Variants in ZNF646 observed in about 807,000 individuals in gnomAD.
The protein encoded by ZNF646 is zinc finger protein 646.
Under a neutral mutation model 115.4 loss-of-function variants are expected in ZNF646, and 49 were observed. That is an observed-to-expected ratio of 0.42 (90% CI 0.34 to 0.54). The LOEUF is 0.54. ZNF646 is among the 20% of genes least tolerant of loss of function. The probability of loss-of-function intolerance (pLI) is 0.04; values close to 1 mark genes in which losing one functional copy is unlikely to be tolerated. For synonymous variants in ZNF646, 933 were observed against 939.0 expected, an observed-to-expected ratio of 0.99 and a Z score of 0.12; for missense variants, 2,269 against 2,457.9, an observed-to-expected ratio of 0.92 and a Z score of 1.62.
At position 31,080,626 on chromosome 16, in the gene ZNF646, A is replaced by G. The variant is rs764873097; in HGVS notation, c.4302A>G (p.Pro1434=). The G allele has an allele frequency of 3.7e-6, 6 of 1,614,196 alleles. No individual in the cohort carries two copies. In the Admixed American group the frequency reaches 8.3e-5, roughly 22 times the overall value. ...EPVPHLEDGV[P]RPGERSQSPI... is the part of the protein sequence containing the mutation. ...TACCCCACTTGGAGGATGGAGTCCC[A>G]AGGCCAGGGGAGCGCAGTCAGAGCC... is the stretch of plus-strand genomic sequence containing the variant. The change falls in exon 2 of 3, where the codon CCA becomes CCG. Residue 1434 remains proline, a synonymous_variant. Transcript: ENST00000300850.
chr16:31,077,672 C>G lies in ZNF646; in HGVS notation c.1348C>G (p.His450Asp), dbSNP rs907908055. The change falls in exon 2 of 3, where the codon CAC becomes GAC. Residue 450 changes from histidine to aspartate, a missense_variant. By Grantham distance (81) the His-to-Asp change is moderately conservative. Coordinates refer to ENST00000300850, the MANE Select transcript of ZNF646 (RefSeq NM_014699.4). Reference sequence around the variant, plus strand: ...TCCCCTGCTGCTGGCTGAGACCACCCACAAAGAGGAAGAGGACCCCACCAC... The same window carrying G: ...TCCCCTGCTGCTGGCTGAGACCACCGACAAAGAGGAAGAGGACCCCACCAC... ...PAPLLLAETT[H>D]KEEEDPTTTL... 3 of 1,613,948 alleles carry G rather than the reference C, an allele frequency of 1.9e-6. No homozygotes were observed. The highest frequency in any genetic ancestry group is 1.3e-5 in the African/African-American group (1 of 74,928).
At position 31,083,663 on chromosome 16, in the gene ZNF646, C is replaced by G; in HGVS notation, c.*571C>G. On this transcript the variant is annotated 3_prime_UTR_variant, in exon 3 of 3. Coordinates refer to ENST00000300850, the MANE Select transcript of ZNF646 (RefSeq NM_014699.4). ...CTGTGGCCCCAGGCAGGTTCCTTCC[C>G]ACAGCTGCTGGGCTTCTGGGCCTGC... is the stretch of plus-strand genomic sequence containing the variant. The G allele has an allele frequency of 1.3e-6, 2 of 1,558,224 alleles. No individual in the cohort carries two copies. Among genetic ancestry groups the G allele is most frequent in the Non-Finnish European group, 1.7e-6 (2 of 1,151,584 alleles).
At chr16:31,073,946 G>A (rs1369875818), upstream of ZNF646, 1 of 152,310 alleles carries the variant, frequency 6.6e-6, no homozygotes, top group Non-Finnish European at 1.5e-5. Flanking sequence ...CCTTGTGTTA[G>A]TCTGGGGCCA....
At position 31,078,732 on chromosome 16, in the gene ZNF646, A is replaced by C. The variant is rs749589689; in HGVS notation, c.2408A>C (p.Asn803Thr). Residue 803 changes from asparagine to threonine, a missense_variant, in exon 2 of 3, where the codon AAC (asparagine) becomes ACC (threonine). Coordinates refer to ENST00000300850, the MANE Select transcript of ZNF646 (RefSeq NM_014699.4). ...EDQKPATGQPNSSSHSANAVT... is the reference protein window; with the variant it reads ...EDQKPATGQPTSSSHSANAVT... ...CAGAAGCCAGCCACTGGCCAACCCA[A>C]CTCCTCTTCCCACTCTGCCAATGCT... is the stretch of plus-strand genomic sequence containing the variant. 6.2e-7 allele frequency: 1 copy of C among 1,613,360 alleles called. No homozygotes were observed. Among genetic ancestry groups the C allele is most frequent in the South Asian group, 1.1e-5 (1 of 91,048 alleles).
At position 31,084,119 on chromosome 16, in the gene ZNF646, T is replaced by A; in HGVS notation, c.*1027T>A. 1.3e-6 allele frequency: 2 copies of A among 1,573,250 alleles called. No homozygotes were observed. Among genetic ancestry groups the A allele is most frequent in the Non-Finnish European group, 1.7e-6 (2 of 1,160,100 alleles). On this transcript the variant is annotated 3_prime_UTR_variant, in exon 3 of 3. Coordinates refer to ENST00000300850, the MANE Select transcript of ZNF646 (RefSeq NM_014699.4). ...GGCAGGAGGCCCCGGGGCCACATAC[T>A]TATGTTGGCCAGGCAGCTTCCAGGC...
Position 31,081,134 on chromosome 16 carries a change from C to T in ZNF646, c.4810C>T (p.Leu1604=). The change falls in exon 2 of 3, where the codon CTG becomes TTG. Residue 1604 remains leucine, a synonymous_variant. Transcript: ENST00000300850. The stretch of plus-strand genomic sequence containing the variant: ...GTCCCACCAGGAACTGGCCAGCCAC[C>T]TGCAGGCTCATGCCCGGGGCCACAG... The part of the protein sequence containing the change: ...FESHQELASH[L]QAHARGHSQV... The T allele has an allele frequency of 1.9e-6, 3 of 1,606,974 alleles. No individual in the cohort carries two copies. Among genetic ancestry groups the T allele is most frequent in the African/African-American group, 1.3e-5 (1 of 74,840 alleles).
chr16:31,082,827 A>G, intron 2 of ZNF646, 144 bp from the exon 3 acceptor site: 1 of 1,128,678 alleles, frequency 8.9e-7, no homozygotes, highest in Non-Finnish European at 1.2e-6. Flanking sequence ...CAGGGCTGGG[A>G]AAATAATTAG....
Position 31,082,974 on chromosome 16 carries a change from C to T in ZNF646, c.5381C>T (p.Ala1794Val), listed in dbSNP as rs371608601. Reference sequence around the variant, plus strand: ...CCTCCTCTCTCTCTCCCCCCAGGAGCCCCAGTGGCACCAGTGACGGGCAGA... The same window carrying T: ...CCTCCTCTCTCTCTCCCCCCAGGAGTCCCAGTGGCACCAGTGACGGGCAGA... ...QEEWTVAGSGAPVAPVTGRGD... is the reference protein window; with the variant it reads ...QEEWTVAGSGVPVAPVTGRGD... Residue 1794 changes from alanine to valine, a missense_variant, in exon 3 of 3, where the codon GCC (alanine) becomes GTC (valine). By Grantham distance (64) the Ala-to-Val change is moderately conservative. Around this residue, in one of 5 missense-constraint regions of ZNF646, gnomAD observed 1,062 missense variants for 1,172.8 expected, o/e 0.91. Coordinates refer to ENST00000300850, the MANE Select transcript of ZNF646 (RefSeq NM_014699.4). 7.8e-5 allele frequency: 124 copies of T among 1,590,676 alleles called. No homozygotes were observed. The highest frequency in any genetic ancestry group is 1.0e-4 in the Non-Finnish European group (118 of 1,167,966).
At chr16:31,072,727 G>C (rs1458978639), upstream of ZNF646, 1 of 152,378 alleles carries the variant, frequency 6.6e-6, no homozygotes, top group Admixed American at 6.5e-5. Flanking sequence ...TTCACAACCT[G>C]ATCCCAACCT....
In ZNF646 at chr16:31,079,487, A is replaced by G; in HGVS notation, c.3163A>G (p.Asn1055Asp). 2 of 1,613,538 alleles carry G rather than the reference A, an allele frequency of 1.2e-6. No homozygotes were observed. The highest frequency in any genetic ancestry group is 1.7e-6 in the Non-Finnish European group (2 of 1,179,908). Residue 1055 changes from asparagine (N) to aspartate (D), a missense_variant, in exon 2 of 3, where the codon AAC becomes GAC. By Grantham distance (23) the Asn-to-Asp change is conservative (BLOSUM62 1). This residue lies in a region of ZNF646 where 1,062 missense variants were observed against 1,172.8 expected (regional missense o/e 0.91). Transcript: ENST00000300850. This position sits in a 1 kb window ranked among gnomAD's most constrained non-coding sequence, Gnocchi z 5.5. Reference sequence around the variant, plus strand: ...GGCTCAGCCCCGCCCCTTCCGCTGCAACCAGTGTGGCAAGACCTATCGCCA... The same window carrying G: ...GGCTCAGCCCCGCCCCTTCCGCTGCGACCAGTGTGGCAAGACCTATCGCCA... ...LEAQPRPFRC[N>D]QCGKTYRHGG...
chr16:31,081,958 C>A, intron 2 of ZNF646: 1 of 560,488 alleles, frequency 1.8e-6, no homozygotes, highest in East Asian at 3.0e-5. Flanking sequence ...GCTACCTGGG[C>A]TCCTCCATTA....
chr16:31,079,726 C>T lies in ZNF646; in HGVS notation c.3402C>T (p.Asn1134=), dbSNP rs527272883. The T allele has an allele frequency of 1.9e-6, 3 of 1,613,690 alleles. No individual in the cohort carries two copies. Among genetic ancestry groups the T allele is most frequent in the African/African-American group, 2.7e-5 (2 of 74,964 alleles). ...GGCCCATCCCAGAAGGAGGCAGCAA[C>T]AAGCCCCAGCACATGGCAGAGGAGG... ...QVGPIPEGGS[N]KPQHMAEEGP... The change falls in exon 2 of 3, where the codon AAC becomes AAT. Residue 1134 remains asparagine, a synonymous_variant. Coordinates refer to ENST00000300850, the MANE Select transcript of ZNF646 (RefSeq NM_014699.4). This position sits in a 1 kb window ranked among gnomAD's most constrained non-coding sequence, Gnocchi z 5.5.
In ZNF646 at chr16:31,083,289, C is replaced by G. The variant is rs2057189669; in HGVS notation, c.*197C>G. The G allele has an allele frequency of 1.0e-6, 1 of 977,512 alleles. No homozygotes were observed. The highest frequency in any genetic ancestry group is 1.4e-6 in the Non-Finnish European group (1 of 690,830). 60.6% of individuals were successfully genotyped at this position (977,512 alleles called of 1,614,324 possible). On this transcript the variant is annotated 3_prime_UTR_variant, in exon 3 of 3. Transcript: ENST00000300850. Reference sequence around the variant, plus strand: ...GTCCCTGTCCTTGAAGGACCTCCTTCCCCCAGCCTCATCACCGTGCTCTTC... The same window carrying G: ...GTCCCTGTCCTTGAAGGACCTCCTTGCCCCAGCCTCATCACCGTGCTCTTC...
In ZNF646 at chr16:31,081,560, C is replaced by G. The variant is rs548921628; in HGVS notation, c.5236C>G (p.Arg1746Gly). 1.9e-6 allele frequency: 3 copies of G among 1,613,694 alleles called. No homozygotes were observed. In the South Asian group the frequency reaches 3.3e-5, roughly 18 times the overall value. Residue 1746 changes from arginine to glycine, a missense_variant, in exon 2 of 3, where the codon CGG becomes GGG. Coordinates refer to ENST00000300850, the MANE Select transcript of ZNF646 (RefSeq NM_014699.4). Reference protein sequence around the residue: ...ICGKAFRTAARLEGHGRVHAP... With the variant: ...ICGKAFRTAAGLEGHGRVHAP... Reference sequence around the variant, plus strand: ...TGGCAAGGCCTTTCGGACAGCTGCCCGGCTGGAGGGCCACGGGCGGGTCCA... The same window carrying G: ...TGGCAAGGCCTTTCGGACAGCTGCCGGGCTGGAGGGCCACGGGCGGGTCCA...
At position 31,078,944 on chromosome 16, in the gene ZNF646, G is replaced by A. The variant is rs532190861; in HGVS notation, c.2620G>A (p.Glu874Lys). 1.2e-6 allele frequency: 2 copies of A among 1,612,862 alleles called. No homozygotes were observed. The highest frequency in any genetic ancestry group is 3.3e-5 in the Admixed American group (2 of 60,018). ...RSHFQNHRPGEATSAQPFLCC... is the reference protein window; with the variant it reads ...RSHFQNHRPGKATSAQPFLCC... Reference sequence around the variant, plus strand: ...CCACTTCCAGAACCATAGGCCTGGGGAGGCGACCTCAGCACAGCCTTTCCT... The same window carrying A: ...CCACTTCCAGAACCATAGGCCTGGGAAGGCGACCTCAGCACAGCCTTTCCT... The change falls in exon 2 of 3, where the codon GAG becomes AAG. Residue 874 changes from glutamate (E) to lysine (K), a missense_variant. Physicochemically the swap from Glu to Lys is moderately conservative, Grantham distance 56. Around this residue, in one of 5 missense-constraint regions of ZNF646, gnomAD observed 852 missense variants for 900.2 expected, o/e 0.95. Transcript: ENST00000300850.
chr16:31,073,762 C>G (rs1275260854), upstream of ZNF646: 1 of 152,190 alleles, frequency 6.6e-6, no homozygotes, highest in Non-Finnish European at 1.5e-5. Flanking sequence ...CAGCGGGGGG[C>G]GGGGAGGTGG....
rs1403543338 is a variant in ZNF646, at chr16:31,077,574, A to G, written c.1250A>G (p.Lys417Arg). The part of the protein sequence containing the change: ...SKQLFNAAAL[K>R]NHVRAHHRPR... ...CAGCTGTTCAATGCGGCTGCCCTCA[A>G]AAACCATGTGCGGGCTCATCACAGG... Residue 417 changes from lysine (K) to arginine (R), a missense_variant, in exon 2 of 3, where the codon AAA becomes AGA. Physicochemically the swap from Lys to Arg is conservative, Grantham distance 26. This residue lies in a region of ZNF646 where 852 missense variants were observed against 900.2 expected (regional missense o/e 0.95). Transcript: ENST00000300850. 3 of 1,613,270 alleles carry G rather than the reference A, an allele frequency of 1.9e-6. No homozygotes were observed. The highest frequency in any genetic ancestry group is 1.7e-5 in the Admixed American group (1 of 59,962).
chr16:31,077,876 G>C lies in ZNF646; in HGVS notation c.1552G>C (p.Ala518Pro), dbSNP rs1379490259. 5.0e-6 allele frequency: 8 copies of C among 1,613,606 alleles called. No individual in the cohort carries two copies. The highest frequency in any genetic ancestry group is 1.3e-5 in the African/African-American group (1 of 74,942). Residue 518 changes from alanine (A) to proline (P), a missense_variant, in exon 2 of 3, where the codon GCT becomes CCT. Physicochemically the swap from Ala to Pro is conservative, Grantham distance 27 (BLOSUM62 -1). Around this residue, in one of 5 missense-constraint regions of ZNF646, gnomAD observed 852 missense variants for 900.2 expected, o/e 0.95. Coordinates refer to ENST00000300850, the MANE Select transcript of ZNF646 (RefSeq NM_014699.4). ...RNHVRVHCKA[A>P]RRSADIGAEG... ...CCACGTGCGGGTACATTGCAAGGCT[G>C]CTCGCCGAAGTGCAGACATCGGGGC... is the stretch of plus-strand genomic sequence containing the variant.
Position 31,079,959 on chromosome 16 carries a change from A to G in ZNF646, c.3635A>G (p.Tyr1212Cys), listed in dbSNP as rs1384194990. The G allele has an allele frequency of 1.9e-6, 3 of 1,610,440 alleles. No individual in the cohort carries two copies. The highest frequency in any genetic ancestry group is 3.3e-5 in the Admixed American group (2 of 59,924). Reference sequence around the variant, plus strand: ...AGCTGCGAGGTGTGTGGCCGATCCTACAAGCACGCCGGCAGCCTCATCAAC... The same window carrying G: ...AGCTGCGAGGTGTGTGGCCGATCCTGCAAGCACGCCGGCAGCCTCATCAAC... ...PFSCEVCGRSYKHAGSLINHR... is the reference protein window; with the variant it reads ...PFSCEVCGRSCKHAGSLINHR... The change falls in exon 2 of 3, where the codon TAC becomes TGC. Residue 1212 changes from tyrosine to cysteine, a missense_variant. Around this residue, in one of 5 missense-constraint regions of ZNF646, gnomAD observed 1,062 missense variants for 1,172.8 expected, o/e 0.91. Coordinates refer to ENST00000300850, the MANE Select transcript of ZNF646 (RefSeq NM_014699.4). This position sits in a 1 kb window ranked among gnomAD's most constrained non-coding sequence, Gnocchi z 5.5.
Sources: allele counts gnomAD v4.1 joint callset, GRCh38; gene constraint gnomAD v4.1.1; regional missense constraint gnomAD v4.1.1; non-coding constraint Gnocchi (gnomAD v3.1); transcripts MANE v1.5; gene names NCBI Gene and HGNC (gene_info 2026-07-23, HGNC 2026-07-21).